The following SCN1A variants were observed in gnomAD, a reference collection of about 807,000 sequenced individuals.
SCN1A encodes sodium channel protein type 1 subunit alpha.
In SCN1A, 13 loss-of-function variants were observed where a neutral mutation model predicts 193.7. The observed-to-expected ratio is 0.07, with a 90% CI of 0.04 to 0.11. The LOEUF (loss-of-function observed/expected upper bound fraction) is 0.11. Among genes scored for constraint, SCN1A ranks in the 10% least tolerant of loss-of-function variants. The probability of loss-of-function intolerance (pLI) is 1.00; values close to 1 mark genes in which losing one functional copy is unlikely to be tolerated. For missense variants in SCN1A, 1,432 were observed against 2,451.1 expected, an observed-to-expected ratio of 0.58 and a Z score of 8.78; for synonymous variants, 781 against 843.6, an observed-to-expected ratio of 0.93 and a Z score of 1.29.
intron 4 of SCN1A, among the ~76,000 whole-genome samples, chr2:166,064,626 T>C (rs868225139): frequency 3.3e-4 from 50 of 152,156 alleles, no homozygotes; most frequent in African/African-American, 1.2e-3. Context: ...AGGATGGACA[T>C]TGAATTTAAC....
At chr2:166,035,975 G>A in intron 19 of SCN1A, 73 bp downstream of exon 19, 1 of 1,448,004 alleles carries the variant, frequency 6.9e-7, no homozygotes, top group South Asian at 1.2e-5. Context: ...TCATTAAGCT[G>A]AGGATCATCT....
intron 20 of SCN1A, among the ~76,000 whole-genome samples, chr2:166,014,249 T>C (rs1692946492): frequency 6.6e-6 from 1 of 151,668 alleles, no homozygotes; most frequent in South Asian, 2.1e-4. Flanking sequence ...AAATTGGACA[T>C]TAATAATGTT....
chr2:166,110,028 A>G (rs1021193782), intron 2 of SCN1A, among the ~76,000 whole-genome samples: 1 of 152,146 alleles, frequency 6.6e-6, no homozygotes, highest in Non-Finnish European at 1.5e-5. Context: ...TATAATTGGA[A>G]TGTTTGTAAC....
chr2:166,135,937 G>A (rs1173262123), intron 1 of SCN1A, among the ~76,000 whole-genome samples: 1 of 152,170 alleles, frequency 6.6e-6, no homozygotes, highest in Non-Finnish European at 1.5e-5. Context: ...GCTAGGCAGC[G>A]GCACTTTCAT....
chr2:166,047,863 A>C lies in SCN1A; in HGVS notation c.1029-95T>G. On this transcript the variant is annotated intron_variant, in intron 10 of 28. Coordinates refer to ENST00000674923, the MANE Select transcript of SCN1A (RefSeq NM_001165963.4). ...TATTGCCTAGTCAGAAAGATTTGGT[A>C]TTTCAAAATAAAAGTTTGACAAATA... The C allele has an allele frequency of 3.9e-6, 6 of 1,545,674 alleles. No individual in the cohort carries two copies. The South Asian group carries it at 6.9e-5, about 18-fold the overall frequency.
chr2:165,991,739 T>C lies in SCN1A; in HGVS notation c.5536A>G (p.Lys1846Glu), dbSNP rs372098964. ...AAATCCATGGCAATGAGCTGGAGTT[T>C]GTTTGGTTGTGGCAGATTGAGAGGC... ...EPPLNLPQPNKLQLIAMDLPM... is the reference protein window; with the variant it reads ...EPPLNLPQPNELQLIAMDLPM... The change falls in exon 29 of 29, where the codon AAA becomes GAA. Residue 1846 changes from lysine (K) to glutamate (E), a missense_variant. Coordinates refer to ENST00000674923, the MANE Select transcript of SCN1A (RefSeq NM_001165963.4). 3 of 1,613,924 alleles carry C rather than the reference T, an allele frequency of 1.9e-6. No homozygotes were observed. The highest frequency in any genetic ancestry group is 1.7e-6 in the Non-Finnish European group (2 of 1,179,920).
At chr2:166,074,539 T>C (rs1230397319) in intron 3 of SCN1A, among the ~76,000 whole-genome samples, 1 of 152,182 alleles carries the variant, frequency 6.6e-6, no homozygotes, top group South Asian at 2.1e-4. Context: ...GTGCTAACCA[T>C]ATTATGAAGG....
At chr2:166,073,816 C>A in intron 3 of SCN1A, 146 bp from the exon 4 acceptor site, 1 of 632,446 alleles carries the variant, frequency 1.6e-6, no homozygotes, top group South Asian at 2.1e-5. Context: ...AAAATTTTAA[C>A]ACAAATGGTT....
intron 7 of SCN1A, chr2:166,053,226 A>G (rs1698788631): frequency 1.6e-6 from 1 of 635,010 alleles, no homozygotes. Context: ...TTTAAATGAT[A>G]AATATTATAA....
chr2:166,108,213 A>G (rs1688902187), intron 2 of SCN1A, among the ~76,000 whole-genome samples: 1 of 152,116 alleles, frequency 6.6e-6, no homozygotes, highest in South Asian at 2.1e-4. Context: ...GCTCAACATC[A>G]TTAATCATGA....
At chr2:166,005,713 A>G (rs1442177715) in intron 23 of SCN1A, among the ~76,000 whole-genome samples, 3 of 151,488 alleles carry the variant, frequency 2.0e-5, no homozygotes, top group African/African-American at 7.2e-5. Context: ...TTCAGCAAAG[A>G]AGGAGGTGTA....
Position 165,994,162 on chromosome 2 carries a change from G to T in SCN1A, c.4836C>A (p.Val1612=). Residue 1612 remains valine, a synonymous_variant, in exon 28 of 29, where the codon GTC becomes GTA. Coordinates refer to ENST00000674923, the MANE Select transcript of SCN1A (RefSeq NM_001165963.4). Reference sequence around the variant, plus strand: ...ATTTCTTACCTACAATGGAGAGAATGACAACCACAAAATCAAAAATATTCC... The same window carrying T: ...ATTTCTTACCTACAATGGAGAGAATTACAACCACAAAATCAAAAATATTCC... The part of the protein sequence containing the change: ...IGWNIFDFVV[V]ILSIVGMFLA... 6.2e-7 allele frequency: 1 copy of T among 1,610,144 alleles called. No individual in the cohort carries two copies. Among genetic ancestry groups the T allele is most frequent in the Non-Finnish European group, 8.5e-7 (1 of 1,177,478 alleles).
At chr2:166,127,607 G>C (rs1691395676) in intron 1 of SCN1A, among the ~76,000 whole-genome samples, 164 bp downstream of exon 1, 1 of 151,722 alleles carries the variant, frequency 6.6e-6, no homozygotes, top group Admixed American at 6.6e-5. Flanking sequence ...GGAGGGGAGG[G>C]GAGGAGAAGA....
intron 23 of SCN1A, 39 bp downstream of exon 23, chr2:166,009,680 G>A (rs769150450): frequency 5.1e-6 from 8 of 1,554,094 alleles, no homozygotes; most frequent in African/African-American, 1.4e-5. Context: ...GTTTAATTTT[G>A]GCTATATACA....
intron 19 of SCN1A, among the ~76,000 whole-genome samples, chr2:166,020,158 T>C (rs955083681): frequency 2.9e-4 from 44 of 152,092 alleles, no homozygotes; most frequent in Non-Finnish European, 5.9e-5. Context: ...GATCCACCCG[T>C]CTCGGCCTCC....
At chr2:166,144,780 T>G (rs1341118244) in intron 1 of SCN1A, among the ~76,000 whole-genome samples, 1 of 152,068 alleles carries the variant, frequency 6.6e-6, no homozygotes, top group African/African-American at 2.4e-5. Flanking sequence ...GAGCCTTTAT[T>G]TTCTCACTGC....
At chr2:166,092,875 G>A (rs1686966464) in intron 2 of SCN1A, among the ~76,000 whole-genome samples, 1 of 152,036 alleles carries the variant, frequency 6.6e-6, no homozygotes, top group Non-Finnish European at 1.5e-5. Context: ...ACACATGATA[G>A]GTGCCAACTC....
chr2:166,048,109 T>C (rs901394885), intron 10 of SCN1A, among the ~76,000 whole-genome samples: 1 of 152,126 alleles, frequency 6.6e-6, no homozygotes, highest in Non-Finnish European at 1.5e-5. Context: ...TATTATTATA[T>C]ACTCCTAAAA....
chr2:166,065,476 C>G (rs1683743341), intron 4 of SCN1A, among the ~76,000 whole-genome samples: 1 of 152,114 alleles, frequency 6.6e-6, no homozygotes, highest in Admixed American at 6.6e-5. Flanking sequence ...CACCTACTTC[C>G]CTTCTCATTT....
Sources: gnomAD v4.1 joint callset for allele counts (sites outside exome capture counted in the v4.1 genomes callset) on GRCh38, gnomAD v4.1.1 for gene constraint, MANE v1.5 for transcripts, NCBI Gene and HGNC (gene_info 2026-07-23, HGNC 2026-07-21) for gene names.